Variants in PRTG observed in about 807,000 individuals in gnomAD.
PRTG encodes protogenin.
A neutral mutation model predicts 122.5 loss-of-function variants in PRTG; 67 were observed. That is an observed-to-expected ratio of 0.55 (90% CI 0.45 to 0.67). The LOEUF (loss-of-function observed/expected upper bound fraction) is 0.67. PRTG is among the 30% of genes least tolerant of loss of function. The probability of loss-of-function intolerance (pLI) is 0.00; values close to 1 mark genes in which losing one functional copy is unlikely to be tolerated. For missense variants in PRTG, 1,435 were observed against 1,415.4 expected (o/e 1.01, Z -0.22); for synonymous variants, 554 against 501.1 (o/e 1.11, Z -1.41).
intron 2 of PRTG, among the ~76,000 whole-genome samples, chr15:55,700,450 A>G (rs2059655697): frequency 6.6e-6 from 1 of 152,188 alleles, no homozygotes; most frequent in African/African-American, 2.4e-5. Flanking sequence ...ACAATCCATA[A>G]AAGATTGATA....
Position 55,679,418 on chromosome 15 carries a change from T to C in PRTG, c.1001A>G (p.Glu334Gly), listed in dbSNP as rs1479151472. 2 of 1,611,516 alleles carry C rather than the reference T, an allele frequency of 1.2e-6. No individual in the cohort carries two copies. ...LAPPSFVEWP[E>G]SLTRPRAGTA... ...GCCAGCTCGAGGCCTTGTTAAACTT[T>C]CTGGCCATTCAACAAATGAAGGAGG... Residue 334 changes from glutamate (E) to glycine (G), a missense_variant, in exon 7 of 20, where the codon GAA becomes GGA. Glu to Gly is a moderately conservative substitution (Grantham distance 98). Transcript: ENST00000389286.
intron 15 of PRTG, among the ~76,000 whole-genome samples, chr15:55,634,059 A>AT: frequency 7.8e-6 from 1 of 127,936 alleles, no homozygotes; most frequent in African/African-American, 3.0e-5. Flanking sequence ...CAAAATATAC[A>AT]TTGCTTTTTT....
intron 2 of PRTG, chr15:55,738,584 T>C: frequency 4.3e-6 from 3 of 693,386 alleles, no homozygotes; most frequent in East Asian, 2.7e-5. Flanking sequence ...AACAACTCTA[T>C]AGAACAAGTT....
At chr15:55,646,954 G>A (rs780945936) in intron 11 of PRTG, among the ~76,000 whole-genome samples, 13 of 151,994 alleles carry the variant, frequency 8.6e-5, no homozygotes, top group Non-Finnish European at 1.3e-4. Flanking sequence ...CTTCCAACCT[G>A]ATTCATTCTC....
At chr15:55,713,050 A>G (rs2030454367) in intron 2 of PRTG, among the ~76,000 whole-genome samples, 1 of 152,214 alleles carries the variant, frequency 6.6e-6, no homozygotes, top group South Asian at 2.1e-4. Context: ...AAAACACTAT[A>G]GAGATTTGGT....
intron 9 of PRTG, among the ~76,000 whole-genome samples, chr15:55,675,216 T>A (rs1324354648): frequency 5.9e-5 from 9 of 152,102 alleles, no homozygotes; most frequent in Non-Finnish European, 1.3e-4. Context: ...TTACAGTTAT[T>A]CATGCCTAGA....
chr15:55,678,391 A>C (rs1003928431), intron 7 of PRTG, among the ~76,000 whole-genome samples: 1 of 152,088 alleles, frequency 6.6e-6, no homozygotes, highest in Admixed American at 6.6e-5. Context: ...CCGGGACTCC[A>C]GGCATGTGTA....
At chr15:55,639,041 A>G (rs2059274575) in intron 13 of PRTG, among the ~76,000 whole-genome samples, 1 of 152,136 alleles carries the variant, frequency 6.6e-6, no homozygotes, top group African/African-American at 2.4e-5. Flanking sequence ...GTGGGATCAT[A>G]GCTCACTGCA....
Position 55,619,925 on chromosome 15 carries a change from G to C in PRTG, c.*87C>G, listed in dbSNP as rs2059156831. 6.4e-7 allele frequency: 1 copy of C among 1,561,646 alleles called. No individual in the cohort carries two copies. Among genetic ancestry groups the C allele is most frequent in the African/African-American group, 1.4e-5 (1 of 73,438 alleles). On this transcript the variant is annotated 3_prime_UTR_variant, in exon 20 of 20. Transcript: ENST00000389286. ...AGATGGCGGCTGCAGAACTAAGGAG[G>C]AAGTCTGCTCACTAACAGATGACAC...
intron 11 of PRTG, among the ~76,000 whole-genome samples, chr15:55,663,529 C>A (rs2059421088): frequency 6.6e-6 from 1 of 151,086 alleles, no homozygotes; most frequent in Non-Finnish European, 1.5e-5. Flanking sequence ...CGTTTTCCAT[C>A]TTTTCTTTTC....
intron 11 of PRTG, among the ~76,000 whole-genome samples, chr15:55,670,897 TCACAAACACACACACACA>T (rs1567092119): frequency 2.0e-5 from 2 of 102,028 alleles, no homozygotes; most frequent in East Asian, 2.7e-4. Flanking sequence ...TAAAACTCCG[TCACAAACACACACACACA>T]CACACACACA....
At chr15:55,732,854 A>G (rs1298014093) in intron 2 of PRTG, among the ~76,000 whole-genome samples, 3 of 152,228 alleles carry the variant, frequency 2.0e-5, no homozygotes, top group Non-Finnish European at 2.9e-5. Context: ...TTGGAAAAGC[A>G]CTGTCACTCC....
At chr15:55,702,951 C>T (rs1047332226) in intron 2 of PRTG, 2 of 983,902 alleles carry the variant, frequency 2.0e-6, no homozygotes, top group African/African-American at 3.5e-5. Context: ...TCCGGGGTCC[C>T]CTGACATTCT....
intron 11 of PRTG, chr15:55,656,023 C>T: frequency 6.1e-6 from 1 of 163,550 alleles, no homozygotes; most frequent in Non-Finnish European, 1.3e-5. Flanking sequence ...AATCATGACA[C>T]TTCACATCAC....
chr15:55,710,113 T>C (rs567896898), intron 2 of PRTG, among the ~76,000 whole-genome samples: 1 of 152,276 alleles, frequency 6.6e-6, no homozygotes, highest in East Asian at 1.9e-4. Flanking sequence ...CCATTAACAA[T>C]GACTACAGGA....
intron 2 of PRTG, among the ~76,000 whole-genome samples, chr15:55,724,442 G>A (rs917800533): frequency 1.3e-5 from 2 of 152,108 alleles, no homozygotes; most frequent in Non-Finnish European, 2.9e-5. Context: ...GGAAGACAGC[G>A]AGATAACAAA....
intron 2 of PRTG, among the ~76,000 whole-genome samples, chr15:55,713,519 T>C (rs1323929860): frequency 2.6e-5 from 4 of 152,228 alleles, no homozygotes; most frequent in African/African-American, 9.6e-5. Flanking sequence ...TTTTTCCCGA[T>C]ATTGCCAAAT....
chr15:55,741,578 C>T (rs1376184511), intron 1 of PRTG, among the ~76,000 whole-genome samples: 11 of 152,124 alleles, frequency 7.2e-5, no homozygotes, highest in Admixed American at 2.6e-4. Flanking sequence ...TCACCTCCTG[C>T]ATTTAGTGCA....
At chr15:55,674,744 G>C (rs1054447880) in intron 9 of PRTG, among the ~76,000 whole-genome samples, 2 of 152,086 alleles carry the variant, frequency 1.3e-5, no homozygotes, top group African/African-American at 4.8e-5. Flanking sequence ...TAAAAACTAA[G>C]AGCAGATCAT....
Sources: gnomAD v4.1 joint callset for allele counts (sites outside exome capture counted in the v4.1 genomes callset) on GRCh38, gnomAD v4.1.1 for gene constraint, MANE v1.5 for transcripts, NCBI Gene and HGNC (gene_info 2026-07-23, HGNC 2026-07-21) for gene names.